Variants in LRP1B observed in about 807,000 individuals in gnomAD.
LRP1B encodes the protein low-density lipoprotein receptor-related protein 1B.
LRP1B carries 217 observed loss-of-function variants against 556.6 expected under a neutral mutation model. The observed-to-expected ratio is 0.39, with a 90% CI of 0.35 to 0.44. The LOEUF (loss-of-function observed/expected upper bound fraction) is 0.44. Ranked by LOEUF, LRP1B falls within the 20% of genes least tolerant of loss-of-function variation. LRP1B has a pLI of 1.00. For missense variants in LRP1B, 5,053 were observed against 5,620.8 expected (o/e 0.90, Z 3.23); for synonymous variants, 2,047 against 1,865.8 (o/e 1.10, Z -2.50).
intron 3 of LRP1B, among the ~76,000 whole-genome samples, chr2:141,417,610 A>G (rs1259708293): frequency 6.6e-6 from 1 of 152,044 alleles, no homozygotes; most frequent in Non-Finnish European, 1.5e-5. Flanking sequence ...TTTTCTTTCT[A>G]TGTTCACCAT....
intron 2 of LRP1B, among the ~76,000 whole-genome samples, chr2:141,642,436 T>C (rs997798796): frequency 6.6e-6 from 1 of 152,044 alleles, no homozygotes; most frequent in Admixed American, 6.6e-5. Flanking sequence ...GCAGGCTTTA[T>C]AGGAAAAAGT....
chr2:141,958,943 C>G (rs1461847880), intron 1 of LRP1B, among the ~76,000 whole-genome samples: 1 of 151,784 alleles, frequency 6.6e-6, no homozygotes, highest in Non-Finnish European at 1.5e-5. Flanking sequence ...CTTCTTTATT[C>G]TTATTTCTTG....
At chr2:141,372,322 G>A (rs753088547) in intron 3 of LRP1B, among the ~76,000 whole-genome samples, 18 of 151,950 alleles carry the variant, frequency 1.2e-4, no homozygotes, top group Non-Finnish European at 2.4e-4. Context: ...TATGTTCATC[G>A]GAGATATTGG....
intron 66 of LRP1B, among the ~76,000 whole-genome samples, chr2:140,431,161 A>G (rs1190199453): frequency 6.6e-6 from 1 of 152,034 alleles, no homozygotes; most frequent in East Asian, 1.9e-4. Flanking sequence ...ATTCAGTGAA[A>G]CCTTTATATC....
In LRP1B at chr2:140,335,669, A is replaced by G; in HGVS notation, c.12062T>C (p.Leu4021Pro). Reference sequence around the variant, plus strand: ...GGGTTCTCCAGCCATATTTGTTAAGAGTCTGGTGCAGTTGGGGCCATTCAG... The same window carrying G: ...GGGTTCTCCAGCCATATTTGTTAAGGGTCTGGTGCAGTTGGGGCCATTCAG... Reference protein sequence around the residue: ...GQLNGPNCTRLLTNMAGEPYA... With the variant: ...GQLNGPNCTRPLTNMAGEPYA... Residue 4021 changes from leucine to proline, a missense_variant, in exon 78 of 91, where the codon CTC becomes CCC. Leu to Pro is a moderately conservative substitution (Grantham distance 98). This residue lies in a region of LRP1B where 599 missense variants were observed against 648.4 expected (regional missense o/e 0.92). Transcript: ENST00000389484. 2 of 1,612,778 alleles carry G rather than the reference A, an allele frequency of 1.2e-6. No individual in the cohort carries two copies. Among genetic ancestry groups the G allele is most frequent in the Non-Finnish European group, 1.7e-6 (2 of 1,179,120 alleles).
At chr2:141,097,138 T>C (rs1021640980) in intron 7 of LRP1B, among the ~76,000 whole-genome samples, 1 of 152,214 alleles carries the variant, frequency 6.6e-6, no homozygotes, top group African/African-American at 2.4e-5. Flanking sequence ...ATATAATACA[T>C]GTTTCTTGAT....
intron 4 of LRP1B, among the ~76,000 whole-genome samples, chr2:141,250,598 T>C (rs1684224109): frequency 6.6e-6 from 1 of 152,090 alleles, no homozygotes; most frequent in Non-Finnish European, 1.5e-5. Context: ...GTTCTGTGAG[T>C]GGTTATAGTG....
intron 2 of LRP1B, among the ~76,000 whole-genome samples, chr2:141,749,220 T>A (rs1694020988): frequency 6.6e-6 from 1 of 152,318 alleles, no homozygotes; most frequent in South Asian, 2.1e-4. Flanking sequence ...TTCCTATTCA[T>A]GCTTGATATG....
At chr2:140,803,562 T>G (rs1469889844) in intron 32 of LRP1B, among the ~76,000 whole-genome samples, 1 of 152,056 alleles carries the variant, frequency 6.6e-6, no homozygotes, top group Admixed American at 6.6e-5. Flanking sequence ...CCTCCCAAAG[T>G]GCTGGGATTA....
chr2:140,455,954 C>T (rs1429319125), intron 62 of LRP1B, among the ~76,000 whole-genome samples: 2 of 152,094 alleles, frequency 1.3e-5, no homozygotes, highest in Admixed American at 6.6e-5. Context: ...CAAGTTAACT[C>T]CTGGGATATC....
chr2:141,501,364 T>A (rs1055243918), intron 2 of LRP1B, among the ~76,000 whole-genome samples: 3 of 152,064 alleles, frequency 2.0e-5, no homozygotes, highest in Non-Finnish European at 4.4e-5. Context: ...AGAATTAAAG[T>A]TCAAAAACAT....
rs545155258 is a variant in LRP1B at position 141,643,532 on chromosome 2, T to G, written c.206-162999A>C. Among the ~76,000 whole-genome samples the G allele has an allele frequency of 3.3e-5, 5 of 152,300 alleles. No homozygotes were observed. The South Asian group carries it at 1.0e-3, about 32-fold the overall frequency. On this transcript the variant is annotated intron_variant, in intron 2 of 90. Transcript: ENST00000389484. ...AAATCTGTCTCAATATCACACCTTG[T>G]TCATTCTTTCATGTAGGACTCCAGC...
Position 140,297,809 on chromosome 2 carries a change from G to A in LRP1B, c.12966C>T (p.Tyr4322=), listed in dbSNP as rs2105000391. 6.2e-7 allele frequency: 1 copy of A among 1,612,326 alleles called. No homozygotes were observed. The highest frequency in any genetic ancestry group is 8.5e-7 in the Non-Finnish European group (1 of 1,179,164). ...CTTCTGGGTGCTGCTTTTACTTACA[G>A]TACTGACATCTGTCTCCGGTGTATT... ...QPEYTGDRCQ[Y]YVCHHYCVNS... is the part of the protein sequence containing the mutation. The change falls in exon 84 of 91, where the codon TAC becomes TAT. Residue 4322 remains tyrosine, a splice_region_variant and synonymous_variant. Transcript: ENST00000389484.
chr2:141,948,625 G>T (rs1264875499), intron 1 of LRP1B, among the ~76,000 whole-genome samples: 1 of 151,854 alleles, frequency 6.6e-6, no homozygotes, highest in Admixed American at 6.6e-5. Flanking sequence ...CTCTTGATGA[G>T]CATTGAAGCC....
rs758777154 is a variant in LRP1B, at chr2:140,234,747, G to A, written c.13659+39C>T. 35 of 765,622 alleles carry A rather than the reference G, an allele frequency of 4.6e-5. No homozygotes were observed. In the South Asian group the frequency reaches 4.8e-4, roughly 11 times the overall value. The allele number at this position is 765,622 out of a possible 1,614,324, so 47.4% of individuals were successfully genotyped here. A position where few individuals can be genotyped will look rare whatever the true frequency, so the allele number is the denominator to read the frequency against. ...TAGTCTTTGATTGTGAGGGTTCTGT[G>A]ATGAAACGGACATGAAATAACGAAT... On this transcript the variant is annotated intron_variant, in intron 90 of 90. Transcript: ENST00000389484.
At chr2:141,064,654 C>A (rs1247537947) in intron 7 of LRP1B, among the ~76,000 whole-genome samples, 2 of 151,840 alleles carry the variant, frequency 1.3e-5, no homozygotes, top group East Asian at 3.9e-4. Flanking sequence ...AAAGTTGCAG[C>A]TATTGAGTGC....
chr2:140,575,190 TA>T (rs1382138424), intron 43 of LRP1B, among the ~76,000 whole-genome samples: 3 of 152,206 alleles, frequency 2.0e-5, no homozygotes, highest in Admixed American at 6.5e-5. Flanking sequence ...CAGAGGGGGT[TA>T]GGGGTGAGAG....
At chr2:141,994,121 A>G (rs897740509) in intron 1 of LRP1B, among the ~76,000 whole-genome samples, 7 of 152,200 alleles carry the variant, frequency 4.6e-5, no homozygotes, top group Non-Finnish European at 1.5e-5. Flanking sequence ...AGTTCTCTTC[A>G]TGAGCAACAT....
chr2:141,302,656 A>G (rs1388757821), intron 3 of LRP1B, among the ~76,000 whole-genome samples: 1 of 152,128 alleles, frequency 6.6e-6, no homozygotes, highest in East Asian at 1.9e-4. Flanking sequence ...CCCTATTGTT[A>G]CAAGATGGCA....
Sources: allele counts gnomAD v4.1 joint callset (sites outside exome capture counted in the v4.1 genomes callset), GRCh38; gene constraint gnomAD v4.1.1; regional missense constraint gnomAD v4.1.1; transcripts MANE v1.5; gene names NCBI Gene and HGNC (gene_info 2026-07-23, HGNC 2026-07-21).